KIRREL3: variants seen among roughly 807,000 people sequenced by gnomAD.
KIRREL3 encodes kin of IRRE-like protein 3.
Under a neutral mutation model 89.7 loss-of-function variants are expected in KIRREL3, and 36 were observed. That is an observed-to-expected ratio of 0.40 (90% CI 0.31 to 0.53). The LOEUF (loss-of-function observed/expected upper bound fraction) is 0.53. Among genes scored for constraint, KIRREL3 ranks in the 20% least tolerant of loss-of-function variants. The pLI is 0.49. For synonymous variants in KIRREL3, 445 were observed against 441.4 expected, an observed-to-expected ratio of 1.01 and a Z score of -0.10; for missense variants, 864 against 1,056.6, an observed-to-expected ratio of 0.82 and a Z score of 2.53.
At chr11:126,753,129 T>C (rs1318405939) in intron 1 of KIRREL3, among the ~76,000 whole-genome samples, 1 of 152,246 alleles carries the variant, frequency 6.6e-6, no homozygotes, top group Non-Finnish European at 1.5e-5. Context: ...CAATAAATCC[T>C]GCTCTAGGAA....
intron 5 of KIRREL3, among the ~76,000 whole-genome samples, chr11:126,467,877 G>T (rs1304646635): frequency 1.3e-5 from 2 of 152,212 alleles, no homozygotes; most frequent in Non-Finnish European, 2.9e-5. Flanking sequence ...AAGCTGGGCA[G>T]ATAGGTGCAG....
Position 126,526,459 on chromosome 11 carries a change from G to T in KIRREL3, c.283+79C>A. The T allele has an allele frequency of 7.3e-7, 1 of 1,378,646 alleles. No homozygotes were observed. Among genetic ancestry groups the T allele is most frequent in the Non-Finnish European group, 1.0e-6 (1 of 1,000,712 alleles). 85.4% of individuals were successfully genotyped at this position (1,378,646 alleles called of 1,614,324 possible). ...CGATACTCAGACACCTGTGAAGATG[G>T]GTGCTCCCTAGGAAGGTGGATGGGT... On this transcript the variant is annotated intron_variant, in intron 3 of 16. Coordinates refer to ENST00000525144, the MANE Select transcript of KIRREL3 (RefSeq NM_032531.4). The surrounding 1 kb of genome is among the most constrained non-coding windows in gnomAD (Gnocchi z 5.7).
At chr11:126,547,539 G>A (rs1000106217) in intron 2 of KIRREL3, among the ~76,000 whole-genome samples, 2 of 152,210 alleles carry the variant, frequency 1.3e-5, no homozygotes, top group African/African-American at 4.8e-5. Context: ...TAAGGACGGG[G>A]TAGGGGACCC....
In KIRREL3 at chr11:126,486,826, C is replaced by T. The variant is rs1314218890; in HGVS notation, c.434-13360G>A. On this transcript the variant is annotated intron_variant, in intron 4 of 16. Transcript: ENST00000525144. This position sits in a 1 kb window ranked among gnomAD's most constrained non-coding sequence, Gnocchi z 6.2. ...CAGGAGGATCTGCATTGGTTCACTTCGGTAGCTTTAATAGCATCAAGGCAG... is the reference window on the plus strand; with the variant it reads ...CAGGAGGATCTGCATTGGTTCACTTTGGTAGCTTTAATAGCATCAAGGCAG... 1.3e-5 allele frequency among the ~76,000 whole-genome samples: 2 copies of T among 152,150 alleles called. No individual in the cohort carries two copies. The highest frequency in any genetic ancestry group is 4.8e-5 in the African/African-American group (2 of 41,422).
At chr11:126,815,426 G>A (rs1031422028) in intron 1 of KIRREL3, among the ~76,000 whole-genome samples, 1 of 152,204 alleles carries the variant, frequency 6.6e-6, no homozygotes, top group Non-Finnish European at 1.5e-5. Flanking sequence ...ACACGGGGAA[G>A]GATAGCCGCT....
intron 1 of KIRREL3, among the ~76,000 whole-genome samples, chr11:126,869,304 A>C (rs1465690053): frequency 6.6e-6 from 1 of 151,960 alleles, no homozygotes; most frequent in Non-Finnish European, 1.5e-5. Flanking sequence ...GCTGAGGGCT[A>C]TTCTGTACAG....
intron 1 of KIRREL3, among the ~76,000 whole-genome samples, chr11:126,567,799 C>T (rs1940626003): frequency 6.6e-6 from 1 of 150,538 alleles, no homozygotes; most frequent in South Asian, 2.1e-4. Flanking sequence ...GCCAGGACAG[C>T]ACTTGCTGGT....
intron 1 of KIRREL3, among the ~76,000 whole-genome samples, chr11:126,922,104 GATCTATCTATCTGTCTGTCT>G (rs1271681877): frequency 2.5e-5 from 3 of 119,006 alleles, no homozygotes; most frequent in Non-Finnish European, 5.4e-5. Context: ...TCTATCTATC[GATCTATCTATCTGTCTGTCT>G]ATCTATCTAT....
chr11:126,768,486 C>G lies in KIRREL3; in HGVS notation c.56-205574G>C, dbSNP rs1464357263. Among the ~76,000 whole-genome samples the G allele has an allele frequency of 1.3e-5, 2 of 152,160 alleles. No homozygotes were observed. Among genetic ancestry groups the G allele is most frequent in the South Asian group, 2.1e-4 (1 of 4,830 alleles). The stretch of plus-strand genomic sequence containing the variant: ...CTTGGTTTAGTGTGTGTTGAAGAGA[C>G]AGACAATAAAAAGACTAGACATACA... On this transcript the variant is annotated intron_variant, in intron 1 of 16. Transcript: ENST00000525144. The surrounding 1 kb of genome is among the most constrained non-coding windows in gnomAD (Gnocchi z 4.5).
rs1230819189 is a variant in KIRREL3 at position 126,689,189 on chromosome 11, G to A, written c.56-126277C>T. ...CAACAGTCTGAGAATTGTTGTTTCA[G>A]GAACTAGAAAGAATCCTGGAAATAG... On this transcript the variant is annotated intron_variant, in intron 1 of 16. Coordinates refer to ENST00000525144, the MANE Select transcript of KIRREL3 (RefSeq NM_032531.4). This position sits in a 1 kb window ranked among gnomAD's most constrained non-coding sequence, Gnocchi z 5.2. Among the ~76,000 whole-genome samples the A allele has an allele frequency of 1.3e-5, 2 of 152,154 alleles. No homozygotes were observed. Among genetic ancestry groups the A allele is most frequent in the Admixed American group, 1.3e-4 (2 of 15,276 alleles).
chr11:126,534,467 C>T (rs1003492286), intron 2 of KIRREL3, among the ~76,000 whole-genome samples: 3 of 152,140 alleles, frequency 2.0e-5, no homozygotes, highest in African/African-American at 7.2e-5. Flanking sequence ...TTCCTGCTCG[C>T]CGCCTGGAAG....
At chr11:126,846,931 C>G (rs1447408836) in intron 1 of KIRREL3, among the ~76,000 whole-genome samples, 1 of 151,540 alleles carries the variant, frequency 6.6e-6, no homozygotes, top group Non-Finnish European at 1.5e-5. Flanking sequence ...TACAGTTTTT[C>G]CATAAATTAA....
chr11:126,779,901 G>T (rs1376796661), intron 1 of KIRREL3, among the ~76,000 whole-genome samples: 1 of 152,052 alleles, frequency 6.6e-6, no homozygotes, highest in Non-Finnish European at 1.5e-5. Context: ...TGCTACCATT[G>T]GGCCTTTAGG....
intron 4 of KIRREL3, among the ~76,000 whole-genome samples, chr11:126,506,349 T>C (rs1958013691): frequency 6.6e-6 from 1 of 152,192 alleles, no homozygotes; most frequent in Admixed American, 6.5e-5. Context: ...TATTTGCAAG[T>C]CGTATATCTG....
chr11:126,907,365 T>C (rs181739826), intron 1 of KIRREL3, among the ~76,000 whole-genome samples: 2 of 152,264 alleles, frequency 1.3e-5, no homozygotes, highest in East Asian at 3.9e-4. Flanking sequence ...AAGAATATCA[T>C]AGTTTCCCCA....
rs1041159670 is a variant in KIRREL3, at chr11:126,710,209, G to A, written c.56-147297C>T. 2.6e-5 allele frequency among the ~76,000 whole-genome samples: 4 copies of A among 152,192 alleles called. No individual in the cohort carries two copies. The highest frequency in any genetic ancestry group is 7.2e-5 in the African/African-American group (3 of 41,452). ...TGGACCCCAGATCTGTCCACAGGCAGCAGGGCCCTGACCAACAGGTGGCTT... is the reference window on the plus strand; with the variant it reads ...TGGACCCCAGATCTGTCCACAGGCAACAGGGCCCTGACCAACAGGTGGCTT... On this transcript the variant is annotated intron_variant, in intron 1 of 16. Coordinates refer to ENST00000525144, the MANE Select transcript of KIRREL3 (RefSeq NM_032531.4). The surrounding 1 kb of genome is among the most constrained non-coding windows in gnomAD (Gnocchi z 4.2).
rs976737905 is a variant in KIRREL3 at position 126,704,697 on chromosome 11, C to T, written c.56-141785G>A. Reference sequence around the variant, plus strand: ...AAGTCTGAGTCTCTCCTGATGCCCACGCTTCCAGGATGGCTCCTGGCTGTC... The same window carrying T: ...AAGTCTGAGTCTCTCCTGATGCCCATGCTTCCAGGATGGCTCCTGGCTGTC... On this transcript the variant is annotated intron_variant, in intron 1 of 16. Coordinates refer to ENST00000525144, the MANE Select transcript of KIRREL3 (RefSeq NM_032531.4). This position sits in a 1 kb window ranked among gnomAD's most constrained non-coding sequence, Gnocchi z 4.2. Among the ~76,000 whole-genome samples, 3 of 152,210 alleles carry T rather than the reference C, an allele frequency of 2.0e-5. No individual in the cohort carries two copies. The highest frequency in any genetic ancestry group is 6.5e-5 in the Admixed American group (1 of 15,280).
chr11:126,707,939 T>C (rs984163091), intron 1 of KIRREL3, among the ~76,000 whole-genome samples: 2 of 152,156 alleles, frequency 1.3e-5, no homozygotes, highest in African/African-American at 4.8e-5. Context: ...GCCATCCCCA[T>C]GCATTCATTC....
At position 126,594,516 on chromosome 11, in the gene KIRREL3, C is replaced by T. The variant is rs1365964937; in HGVS notation, c.56-31604G>A. Among the ~76,000 whole-genome samples the T allele has an allele frequency of 6.6e-6, 1 of 152,146 alleles. No individual in the cohort carries two copies. The highest frequency in any genetic ancestry group is 1.5e-5 in the Non-Finnish European group (1 of 68,034). ...TTTTTCGCTGTGTAACTTTAGAATTCCTTTAGCCTCGTTTTTCCTTCTTTC... is the reference window on the plus strand; with the variant it reads ...TTTTTCGCTGTGTAACTTTAGAATTTCTTTAGCCTCGTTTTTCCTTCTTTC... On this transcript the variant is annotated intron_variant, in intron 1 of 16. Transcript: ENST00000525144. The surrounding 1 kb of genome is among the most constrained non-coding windows in gnomAD (Gnocchi z 5.0).
Sources: allele counts gnomAD v4.1 joint callset (sites outside exome capture counted in the v4.1 genomes callset), GRCh38; gene constraint gnomAD v4.1.1; non-coding constraint Gnocchi (gnomAD v3.1); transcripts MANE v1.5; gene names NCBI Gene and HGNC (gene_info 2026-07-23, HGNC 2026-07-21).